The following OXR1 variants were observed in gnomAD, a reference collection of about 807,000 sequenced individuals.
The protein encoded by OXR1 is oxidation resistance 1.
In OXR1, 41 loss-of-function variants were observed where a neutral mutation model predicts 104.6. The ratio of observed to expected loss-of-function variants is 0.39; its 90% CI spans 0.31 to 0.51. The LOEUF is 0.51. Ranked by LOEUF, OXR1 falls within the 20% of genes least tolerant of loss-of-function variation. The probability of loss-of-function intolerance (pLI) is 0.77; values close to 1 mark genes in which losing one functional copy is unlikely to be tolerated. For synonymous variants in OXR1, 348 were observed against 348.4 expected (o/e 1.00, Z 0.01); for missense variants, 955 against 1,031.9 (o/e 0.93, Z 1.02).
At chr8:106,384,777 G>T (rs1817302271) in intron 2 of OXR1, among the ~76,000 whole-genome samples, 1 of 150,330 alleles carries the variant, frequency 6.7e-6, no homozygotes, top group African/African-American at 2.4e-5. Context: ...TGTTGGCCAG[G>T]CTGGAGTGCT....
chr8:106,542,575 G>C (rs187395376), intron 3 of OXR1, among the ~76,000 whole-genome samples: 6 of 151,916 alleles, frequency 3.9e-5, no homozygotes, highest in Non-Finnish European at 7.4e-5. Context: ...AAATTATTCT[G>C]TCTTAGTAAA....
intron 1 of OXR1, among the ~76,000 whole-genome samples, chr8:106,331,033 A>G (rs7834655): frequency 0.32 from 47,926 of 152,098 alleles, 10,066 homozygotes; most frequent in African/African-American, 0.6. Flanking sequence ...TCATATTAGA[A>G]TTACTTTATT....
chr8:106,435,317 C>T (rs982284438), intron 2 of OXR1, among the ~76,000 whole-genome samples: 1 of 152,118 alleles, frequency 6.6e-6, no homozygotes, highest in African/African-American at 2.4e-5. Context: ...GGCAGCAACA[C>T]CTTACTTGCC....
At chr8:106,435,553 T>C (rs1819536326) in intron 2 of OXR1, among the ~76,000 whole-genome samples, 1 of 152,166 alleles carries the variant, frequency 6.6e-6, no homozygotes, top group Non-Finnish European at 1.5e-5. Flanking sequence ...CATGTGACTT[T>C]ATAAGCACAT....
chr8:106,281,209 C>T (rs1407471448), intron 1 of OXR1, among the ~76,000 whole-genome samples: 1 of 152,116 alleles, frequency 6.6e-6, no homozygotes, highest in Admixed American at 6.6e-5. Flanking sequence ...AAAGCCAGCC[C>T]AAGGCCCAGG....
chr8:106,583,977 A>G (rs532887502), intron 3 of OXR1, among the ~76,000 whole-genome samples: 1 of 152,242 alleles, frequency 6.6e-6, no homozygotes, highest in Non-Finnish European at 1.5e-5. Context: ...GACTAAACCA[A>G]GGACACAGAA....
In OXR1 at chr8:106,577,787, T is replaced by C. The variant is rs575341218; in HGVS notation, c.220+58648T>C. ...GCAGCCACCTGCTAGGCCCTGCCAG[T>C]AGGGGGCTCCAGAAGGAAGCTGCAA... On this transcript the variant is annotated intron_variant, in intron 3 of 16. Transcript: ENST00000517566. 2.6e-5 allele frequency among the ~76,000 whole-genome samples: 4 copies of C among 152,164 alleles called. No homozygotes were observed. The South Asian group carries it at 6.2e-4, about 24-fold the overall frequency.
chr8:106,391,369 G>C (rs1220858944), intron 2 of OXR1, among the ~76,000 whole-genome samples: 1 of 150,328 alleles, frequency 6.7e-6, no homozygotes, highest in African/African-American at 2.5e-5. Context: ...AAGAATTTAC[G>C]TTGATGGTAT....
At chr8:106,511,800 T>C (rs996366023) in intron 2 of OXR1, among the ~76,000 whole-genome samples, 1 of 152,234 alleles carries the variant, frequency 6.6e-6, no homozygotes, top group Non-Finnish European at 1.5e-5. Flanking sequence ...AGTTTATCTA[T>C]TTCTCCTAAT....
chr8:106,405,185 TATATATATATATATATA>T (rs1818180763), intron 2 of OXR1, among the ~76,000 whole-genome samples: 84 of 12,600 alleles, frequency 6.7e-3, no homozygotes, highest in South Asian at 0.023. Flanking sequence ...TATATATATA[TATATATATATATATATA>T]GTGTGTGTGT....
At chr8:106,339,151 C>A (rs981399170) in intron 1 of OXR1, among the ~76,000 whole-genome samples, 3 of 151,908 alleles carry the variant, frequency 2.0e-5, no homozygotes, top group African/African-American at 7.3e-5. Flanking sequence ...AAATACTGCT[C>A]TTTGGGGATC....
chr8:106,552,320 C>A (rs1815905374), intron 3 of OXR1, among the ~76,000 whole-genome samples: 1 of 151,960 alleles, frequency 6.6e-6, no homozygotes. Flanking sequence ...ATGATGCTTT[C>A]TATTATGAGT....
At chr8:106,316,724 CTATCT>C (rs766159919) in intron 1 of OXR1, among the ~76,000 whole-genome samples, 437 of 42,394 alleles carry the variant, frequency 0.01, 2 homozygotes, top group Middle Eastern at 0.038. Flanking sequence ...TATCATCTAT[CTATCT>C]ATCTATCTAT....
chr8:106,655,928 A>G (rs565261061), intron 3 of OXR1, among the ~76,000 whole-genome samples: 2 of 152,336 alleles, frequency 1.3e-5, no homozygotes, highest in Admixed American at 6.5e-5. Flanking sequence ...GGTAGAATGA[A>G]GCTTCCTGCA....
At chr8:106,659,505 T>G (rs757269101) in intron 3 of OXR1, among the ~76,000 whole-genome samples, 19 of 152,360 alleles carry the variant, frequency 1.2e-4, no homozygotes, top group Non-Finnish European at 2.6e-4. Flanking sequence ...CAGAATCCTC[T>G]TAAAGGTGGG....
intron 3 of OXR1, among the ~76,000 whole-genome samples, chr8:106,552,138 T>G (rs1486084205): frequency 6.6e-6 from 1 of 151,964 alleles, no homozygotes; most frequent in Non-Finnish European, 1.5e-5. Context: ...GGGTGATCAT[T>G]CATACTAGGG....
At chr8:106,475,487 AG>A (rs1415918552) in intron 2 of OXR1, among the ~76,000 whole-genome samples, 1 of 151,820 alleles carries the variant, frequency 6.6e-6, no homozygotes, top group African/African-American at 2.4e-5. Context: ...AGGAGGTGGA[AG>A]GGGAGGCAGG....
intron 2 of OXR1, among the ~76,000 whole-genome samples, chr8:106,359,901 C>G (rs941668496): frequency 6.6e-6 from 1 of 152,080 alleles, no homozygotes; most frequent in African/African-American, 2.4e-5. Flanking sequence ...TCCCAGCACA[C>G]CCTAGGAGAG....
chr8:106,326,043 GTA>G (rs1814455984), intron 1 of OXR1, among the ~76,000 whole-genome samples: 1 of 152,196 alleles, frequency 6.6e-6, no homozygotes, highest in Admixed American at 6.5e-5. Context: ...TAGATACCAA[GTA>G]TATAAAGTCA....
Sources: gnomAD v4.1 joint callset for allele counts (sites outside exome capture counted in the v4.1 genomes callset) on GRCh38, gnomAD v4.1.1 for gene constraint, MANE v1.5 for transcripts, NCBI Gene and HGNC (gene_info 2026-07-23, HGNC 2026-07-21) for gene names.